The following ZNF385D variants were observed in gnomAD, a reference collection of about 807,000 sequenced individuals.
ZNF385D encodes zinc finger protein 659.
In ZNF385D, 15 loss-of-function variants were observed where a neutral mutation model predicts 35.8. The ratio of observed to expected loss-of-function variants is 0.42; its 90% confidence interval spans 0.28 to 0.64. The LOEUF (loss-of-function observed/expected upper bound fraction) is 0.64. Among genes scored for constraint, ZNF385D ranks in the 30% least tolerant of loss-of-function variants. The probability of loss-of-function intolerance (pLI) is 0.23; values close to 1 mark genes in which losing one functional copy is unlikely to be tolerated. For synonymous variants in ZNF385D, 212 were observed against 186.8 expected (o/e 1.13, Z -1.10); for missense variants, 474 against 494.6 (o/e 0.96, Z 0.39).
intron 2 of ZNF385D, among the ~76,000 whole-genome samples, chr3:22,185,333 G>T (rs1036782424): frequency 6.6e-6 from 1 of 152,148 alleles, no homozygotes; most frequent in African/African-American, 2.4e-5. Context: ...AATGGTGCTC[G>T]TTAGTAAAAC....
chr3:21,884,928 G>A (rs754229731), intron 3 of ZNF385D, among the ~76,000 whole-genome samples: 4 of 151,842 alleles, frequency 2.6e-5, no homozygotes, highest in Non-Finnish European at 5.9e-5. Context: ...TGTAAATAAA[G>A]TTTTTCAGGG....
At position 22,214,734 on chromosome 3, in the gene ZNF385D, A is replaced by G. The variant is rs1368655627; in HGVS notation, c.107-45699T>C. 2.6e-5 allele frequency among the ~76,000 whole-genome samples: 4 copies of G among 152,066 alleles called. No homozygotes were observed. The East Asian group carries it at 7.8e-4, about 30-fold the overall frequency. On this transcript the variant is annotated intron_variant, in intron 2 of 5. Transcript: ENST00000494108. ...CACCTAATAAATTTTTGATCAGACC[A>G]GTTGTCTGCTCTCAAACCCTGTCTC...
intron 3 of ZNF385D, among the ~76,000 whole-genome samples, chr3:21,975,543 G>T (rs567756124): frequency 1.3e-5 from 2 of 151,934 alleles, no homozygotes; most frequent in South Asian, 4.2e-4. Flanking sequence ...ATAACTAAAA[G>T]CATATAATTT....
chr3:22,156,372 G>C (rs74727716), intron 3 of ZNF385D, among the ~76,000 whole-genome samples: 7,870 of 151,786 alleles, frequency 0.052, 656 homozygotes, highest in African/African-American at 0.18. Context: ...GATGCAAACT[G>C]TGGTGTACAC....
chr3:22,125,999 G>C (rs1012725551), intron 3 of ZNF385D, among the ~76,000 whole-genome samples: 1 of 152,044 alleles, frequency 6.6e-6, no homozygotes, highest in Non-Finnish European at 1.5e-5. Flanking sequence ...CCAGACATTA[G>C]AGAAAAAGCT....
chr3:21,787,278 T>C (rs560044057), intron 3 of ZNF385D, among the ~76,000 whole-genome samples: 33 of 152,214 alleles, frequency 2.2e-4, no homozygotes, highest in Admixed American at 5.2e-4. Flanking sequence ...ACAGAGAGCA[T>C]ACCTCCTTCC....
At chr3:21,545,482 TAATA>T (rs1285343783) in intron 3 of ZNF385D, among the ~76,000 whole-genome samples, 2 of 152,246 alleles carry the variant, frequency 1.3e-5, no homozygotes, top group South Asian at 2.1e-4. Flanking sequence ...TAAAGTTTTT[TAATA>T]AATAAGGTAT....
At chr3:21,798,505 C>T (rs1421818251) in intron 3 of ZNF385D, among the ~76,000 whole-genome samples, 4 of 152,160 alleles carry the variant, frequency 2.6e-5, no homozygotes, top group African/African-American at 9.7e-5. Context: ...TCAAGGATAG[C>T]AGGGGAAGCG....
intron 3 of ZNF385D, among the ~76,000 whole-genome samples, chr3:22,076,306 C>A (rs1197372876): frequency 2.0e-5 from 3 of 151,894 alleles, no homozygotes; most frequent in African/African-American, 7.2e-5. Context: ...TCATGTCCTA[C>A]CCACTATTCC....
intron 2 of ZNF385D, among the ~76,000 whole-genome samples, chr3:22,213,052 T>C (rs966923626): frequency 2.6e-5 from 4 of 152,066 alleles, no homozygotes; most frequent in African/African-American, 9.7e-5. Flanking sequence ...AGTTAATATG[T>C]GGAAGTTTAT....
chr3:21,648,194 C>T (rs2125206777), intron 2 of ZNF385D, among the ~76,000 whole-genome samples: 1 of 152,166 alleles, frequency 6.6e-6, no homozygotes, highest in African/African-American at 2.4e-5. Flanking sequence ...GGCGGGTTTC[C>T]CCCATACTGT....
intron 2 of ZNF385D, among the ~76,000 whole-genome samples, chr3:22,310,169 A>C (rs1485430214): frequency 6.6e-6 from 1 of 152,028 alleles, no homozygotes; most frequent in Admixed American, 6.6e-5. Context: ...ATAAAGGTTA[A>C]AAGGAGATTC....
intron 4 of ZNF385D, among the ~76,000 whole-genome samples, chr3:21,468,652 G>C (rs1575203026): frequency 1.3e-5 from 2 of 152,086 alleles, no homozygotes; most frequent in Non-Finnish European, 2.9e-5. Flanking sequence ...TGGGCAGGGG[G>C]CGGTGGCTCA....
chr3:21,999,541 T>G (rs1695703686), intron 3 of ZNF385D, among the ~76,000 whole-genome samples: 1 of 152,170 alleles, frequency 6.6e-6, no homozygotes, highest in African/African-American at 2.4e-5. Context: ...ACTGTATTAT[T>G]CTCTTGAGAA....
At chr3:21,636,738 A>G (rs1369672897) in intron 2 of ZNF385D, among the ~76,000 whole-genome samples, 6 of 151,866 alleles carry the variant, frequency 4.0e-5, no homozygotes, top group Non-Finnish European at 8.8e-5. Flanking sequence ...ACCCTCGCAG[A>G]CACACCCAGG....
intron 3 of ZNF385D, among the ~76,000 whole-genome samples, chr3:21,560,136 C>T (rs7636804): frequency 0.69 from 105,291 of 152,034 alleles, 37,599 homozygotes; most frequent in African/African-American, 0.88. Context: ...TTGTTATTAC[C>T]CACCTTCTGA....
At chr3:21,660,810 G>A (rs1421361668) in intron 2 of ZNF385D, among the ~76,000 whole-genome samples, 1 of 152,096 alleles carries the variant, frequency 6.6e-6, no homozygotes, top group Admixed American at 6.6e-5. Flanking sequence ...TTATTTTATT[G>A]TACAGGACAC....
At chr3:22,011,234 G>A (rs1050571222) in intron 3 of ZNF385D, among the ~76,000 whole-genome samples, 1 of 151,766 alleles carries the variant, frequency 6.6e-6, no homozygotes, top group Admixed American at 6.6e-5. Context: ...AGAAATTTAT[G>A]GAAATAAATA....
intron 2 of ZNF385D, among the ~76,000 whole-genome samples, chr3:22,184,749 C>A (rs1420094226): frequency 1.3e-5 from 2 of 152,134 alleles, no homozygotes; most frequent in Non-Finnish European, 2.9e-5. Context: ...ATCGCTTAAA[C>A]TGGGAGGAGG....
Sources: gnomAD v4.1 joint callset for allele counts (sites outside exome capture counted in the v4.1 genomes callset) on GRCh38, gnomAD v4.1.1 for gene constraint, MANE v1.5 for transcripts, NCBI Gene and HGNC (gene_info 2026-07-23, HGNC 2026-07-21) for gene names.